Variants in KCNQ5 observed in about 807,000 individuals in gnomAD.
KCNQ5 encodes potassium voltage-gated channel subfamily Q member 5.
In KCNQ5, 30 loss-of-function variants were observed where a neutral mutation model predicts 98.2. The ratio of observed to expected loss-of-function variants is 0.31; its 90% CI spans 0.23 to 0.41. The LOEUF (loss-of-function observed/expected upper bound fraction) is 0.41, where lower values mean the gene tolerates loss of function less well. KCNQ5 is among the 10% of genes least tolerant of loss of function. KCNQ5 has a pLI of 1.00. For missense variants in KCNQ5, 835 were observed against 1,182.5 expected, an observed-to-expected ratio of 0.71 and a Z score of 4.31; for synonymous variants, 458 against 449.4, an observed-to-expected ratio of 1.02 and a Z score of -0.24.
intron 13 of KCNQ5, among the ~76,000 whole-genome samples, chr6:73,193,297 G>A (rs1011752059): frequency 6.6e-5 from 10 of 151,672 alleles, no homozygotes; most frequent in Middle Eastern, 6.8e-3. Context: ...TGAGATTACA[G>A]GCGTGAGCCA....
At chr6:72,943,427 G>A (rs1257444778) in intron 1 of KCNQ5, among the ~76,000 whole-genome samples, 1 of 152,000 alleles carries the variant, frequency 6.6e-6, no homozygotes, top group African/African-American at 2.4e-5. Context: ...CTAGTGCATT[G>A]GCTCTTAAAA....
chr6:73,107,912 A>C (rs1260484655), intron 6 of KCNQ5, among the ~76,000 whole-genome samples: 2 of 152,186 alleles, frequency 1.3e-5, no homozygotes, highest in Non-Finnish European at 2.9e-5. Context: ...TGGTCCATAT[A>C]TACCTTTAGA....
chr6:72,894,410 T>A (rs1779168238), intron 1 of KCNQ5, among the ~76,000 whole-genome samples: 1 of 152,216 alleles, frequency 6.6e-6, no homozygotes, highest in Non-Finnish European at 1.5e-5. Context: ...GTATGGCAAC[T>A]TGAGTGGCAT....
intron 1 of KCNQ5, among the ~76,000 whole-genome samples, chr6:72,722,849 C>CA (rs1554149650): frequency 7.1e-5 from 9 of 126,306 alleles, no homozygotes; most frequent in African/African-American, 2.7e-4. Flanking sequence ...GTTTGGTTGA[C>CA]TTTTTTTTTT....
At chr6:73,017,589 T>C (rs756831109) in intron 2 of KCNQ5, among the ~76,000 whole-genome samples, 1 of 152,162 alleles carries the variant, frequency 6.6e-6, no homozygotes, top group Non-Finnish European at 1.5e-5. Context: ...TTTTCCAAGC[T>C]GTAAATGGCA....
intron 1 of KCNQ5, among the ~76,000 whole-genome samples, chr6:72,650,709 T>C (rs1279776224): frequency 6.6e-6 from 1 of 152,162 alleles, no homozygotes; most frequent in African/African-American, 2.4e-5. Flanking sequence ...GGGTCTTGTT[T>C]ACTTGTAAGT....
intron 1 of KCNQ5, among the ~76,000 whole-genome samples, chr6:72,739,467 A>AC (rs1278156793): frequency 6.6e-6 from 1 of 152,164 alleles, no homozygotes; most frequent in East Asian, 1.9e-4. Context: ...CTTTCCACCA[A>AC]CTGCTTATTT....
chr6:73,181,340 C>G (rs1017788724), intron 11 of KCNQ5, among the ~76,000 whole-genome samples: 1 of 152,174 alleles, frequency 6.6e-6, no homozygotes, highest in Non-Finnish European at 1.5e-5. Flanking sequence ...CTGTATTAAT[C>G]CCAGTGATGC....
rs186388759 is a variant in KCNQ5, at chr6:73,097,795, T to C, written c.919-7462T>C. On this transcript the variant is annotated intron_variant, in intron 5 of 13. Transcript: ENST00000370398. Reference sequence around the variant, plus strand: ...TACATCTACAAGTCTACAAGAACCATAGCATTACTGGGCTTGGGGTACCCC... The same window carrying C: ...TACATCTACAAGTCTACAAGAACCACAGCATTACTGGGCTTGGGGTACCCC... Among the ~76,000 whole-genome samples, 455 of 152,330 alleles carry C rather than the reference T, an allele frequency of 3.0e-3. 2 individuals carry two copies. The highest frequency in any genetic ancestry group is 0.01 in the African/African-American group (436 of 41,584).
chr6:73,190,703 C>A lies in KCNQ5; in HGVS notation c.1708C>A (p.Arg570Ser). 1.3e-6 allele frequency: 2 copies of A among 1,541,026 alleles called. No individual in the cohort carries two copies. The highest frequency in any genetic ancestry group is 1.8e-6 in the Non-Finnish European group (2 of 1,141,566). ...GTGTAGAATTAAAAGCCTTCAAACA[C>A]GGTAAGCAATGGAAATGTCATTCCT... ...MLCRIKSLQT[R>S]VDQILGKGQI... Residue 570 changes from arginine to serine, a missense_variant and splice_region_variant, in exon 12 of 14, where the codon CGT becomes AGT. By Grantham distance (110) the Arg-to-Ser change is moderately radical. Coordinates refer to ENST00000370398, the MANE Select transcript of KCNQ5 (RefSeq NM_019842.4).
At chr6:72,840,612 G>T (rs1336059478) in intron 1 of KCNQ5, among the ~76,000 whole-genome samples, 3 of 151,988 alleles carry the variant, frequency 2.0e-5, no homozygotes, top group Non-Finnish European at 4.4e-5. Context: ...CACTCTCCAA[G>T]CCCCCCGGCT....
chr6:73,045,613 C>T (rs567731073), intron 3 of KCNQ5, among the ~76,000 whole-genome samples: 13 of 152,242 alleles, frequency 8.5e-5, no homozygotes, highest in East Asian at 1.9e-4. Context: ...CCAATAACAT[C>T]GGCATAAAGA....
intron 1 of KCNQ5, among the ~76,000 whole-genome samples, chr6:72,626,874 C>T (rs1243680271): frequency 1.3e-5 from 2 of 152,136 alleles, no homozygotes; most frequent in African/African-American, 4.8e-5. Flanking sequence ...AGATTGTTTT[C>T]ACCAGTCTGA....
At chr6:72,892,744 C>G (rs1455784768) in intron 1 of KCNQ5, among the ~76,000 whole-genome samples, 1 of 151,752 alleles carries the variant, frequency 6.6e-6, no homozygotes, top group Non-Finnish European at 1.5e-5. Context: ...TATCTTATAT[C>G]CTGGATGTTC....
chr6:73,106,422 A>C (rs1468251179), intron 6 of KCNQ5, among the ~76,000 whole-genome samples: 2 of 152,210 alleles, frequency 1.3e-5, no homozygotes, highest in Admixed American at 1.3e-4. Context: ...AACAAGTACC[A>C]CAGACTGGGT....
At chr6:72,994,471 GA>G in intron 1 of KCNQ5, among the ~76,000 whole-genome samples, 1 of 133,502 alleles carries the variant, frequency 7.5e-6, no homozygotes, top group East Asian at 2.3e-4. Context: ...GGAACTCCCT[GA>G]CCCCTTGCGC....
intron 1 of KCNQ5, among the ~76,000 whole-genome samples, chr6:72,708,606 C>G (rs1016459989): frequency 1.3e-5 from 2 of 152,278 alleles, no homozygotes; most frequent in Non-Finnish European, 1.5e-5. Flanking sequence ...ACTACAACCT[C>G]TGCCTCATGG....
At chr6:72,628,851 G>T (rs907466322) in intron 1 of KCNQ5, among the ~76,000 whole-genome samples, 8 of 152,028 alleles carry the variant, frequency 5.3e-5, no homozygotes, top group Non-Finnish European at 1.5e-5. Context: ...GACCTCAAGT[G>T]GTCTGCCCAC....
At chr6:72,661,373 A>G (rs895219659) in intron 1 of KCNQ5, among the ~76,000 whole-genome samples, 7 of 152,146 alleles carry the variant, frequency 4.6e-5, no homozygotes, top group African/African-American at 1.7e-4. Context: ...CTTACTTAGC[A>G]TGATGACTGT....
Sources: allele counts gnomAD v4.1 joint callset (sites outside exome capture counted in the v4.1 genomes callset), GRCh38; gene constraint gnomAD v4.1.1; transcripts MANE v1.5; gene names NCBI Gene and HGNC (gene_info 2026-07-23, HGNC 2026-07-21).